The following ZNF710 variants were observed in gnomAD, a reference collection of about 807,000 sequenced individuals.
ZNF710 encodes zinc finger protein 710.
In ZNF710, 13 loss-of-function variants were observed where a neutral mutation model predicts 50.6. The ratio of observed to expected loss-of-function variants is 0.26; its 90% confidence interval spans 0.17 to 0.41. ZNF710 has a LOEUF of 0.41. Ranked by LOEUF, ZNF710 falls within the 10% of genes least tolerant of loss-of-function variation. The pLI, the probability that ZNF710 is intolerant of heterozygous loss-of-function variation, is 1.00. For synonymous variants in ZNF710, 383 were observed against 397.0 expected (o/e 0.96, Z 0.42); for missense variants, 721 against 936.6 (o/e 0.77, Z 3.01).
intron 1 of ZNF710, among the ~76,000 whole-genome samples, chr15:90,022,431 G>A (rs1032477680): frequency 6.6e-6 from 1 of 152,162 alleles, no homozygotes; most frequent in African/African-American, 2.4e-5. Context: ...TGCAAAGGCA[G>A]CAAGGGACAC....
In ZNF710 at chr15:90,034,427, C is replaced by CCT. The variant is rs1555457054; in HGVS notation, c.-28-32682_-28-32681dup. ...CAGCTGTCCTTCCTGTTTCCAAATT[C>CCT]CTGTGTGTGTGTGTGTGTGTGTGTG... On this transcript the variant is annotated intron_variant, in intron 1 of 4. Coordinates refer to ENST00000268154, the MANE Select transcript of ZNF710 (RefSeq NM_198526.4). The surrounding 1 kb of genome is among the most constrained non-coding windows in gnomAD (Gnocchi z 4.0). Among the ~76,000 whole-genome samples the CCT allele has an allele frequency of 3.1e-4, 35 of 113,698 alleles. 2 individuals are homozygous for CCT. In the South Asian group the frequency reaches 8.8e-3, roughly 29 times the overall value. The allele number at this position is 113,698 out of a possible 152,430, so 74.6% of individuals were successfully genotyped here.
intron 1 of ZNF710, among the ~76,000 whole-genome samples, chr15:90,031,032 A>AAAAAAC (rs1390685031): frequency 1.3e-5 from 2 of 150,958 alleles, no homozygotes; most frequent in African/African-American, 2.4e-5. Context: ...AAAAAAGAAA[A>AAAAAAC]AAAAAAAAAT....
intron 1 of ZNF710, among the ~76,000 whole-genome samples, chr15:90,051,623 A>C (rs1899649180): frequency 6.6e-6 from 1 of 152,164 alleles, no homozygotes; most frequent in African/African-American, 2.4e-5. Flanking sequence ...ACAGAGTGAG[A>C]CTTTGTCTCA....
At position 90,020,626 on chromosome 15, in the gene ZNF710, G is replaced by A. The variant is rs144556660; in HGVS notation, c.-29+19012G>A. ...CTCATGTGTGTTGGAAATGAGAGGC[G>A]CAGTTTGGGAGAAGGAGGCTGCATG... On this transcript the variant is annotated intron_variant, in intron 1 of 4. Coordinates refer to ENST00000268154, the MANE Select transcript of ZNF710 (RefSeq NM_198526.4). Among the ~76,000 whole-genome samples the A allele has an allele frequency of 4.8e-3, 725 of 152,350 alleles. 9 individuals are homozygous for A. Among genetic ancestry groups the A allele is most frequent in the African/African-American group, 0.017 (691 of 41,582 alleles).
At chr15:90,076,722 CAG>C (rs931359122) in intron 4 of ZNF710, 1 of 138,710 alleles carries the variant, frequency 7.2e-6, no homozygotes, top group African/African-American at 2.8e-5. Flanking sequence ...GCCTGGGTGA[CAG>C]AGTGAGACTT....
At chr15:90,022,706 A>G (rs1009201661) in intron 1 of ZNF710, among the ~76,000 whole-genome samples, 1 of 152,232 alleles carries the variant, frequency 6.6e-6, no homozygotes, top group South Asian at 2.1e-4. Flanking sequence ...AGAGGAATAC[A>G]TATGGCACTT....
intron 1 of ZNF710, among the ~76,000 whole-genome samples, chr15:90,002,276 C>T (rs1461304502): frequency 6.6e-6 from 1 of 151,444 alleles, no homozygotes; most frequent in Non-Finnish European, 1.5e-5. Context: ...GGGGCGTCCC[C>T]GAGGGCCACT....
At chr15:90,031,672 GT>G (rs934341267) in intron 1 of ZNF710, among the ~76,000 whole-genome samples, 1 of 152,138 alleles carries the variant, frequency 6.6e-6, no homozygotes, top group African/African-American at 2.4e-5. Flanking sequence ...CATCTCTCTT[GT>G]TTTCATGCAG....
intron 1 of ZNF710, among the ~76,000 whole-genome samples, chr15:90,055,787 C>T (rs1205974466): frequency 6.6e-6 from 1 of 152,160 alleles, no homozygotes; most frequent in Non-Finnish European, 1.5e-5. Context: ...GGGGGGTGAC[C>T]CCCATGTTTG....
chr15:90,010,046 G>GT (rs1234009924), intron 1 of ZNF710, among the ~76,000 whole-genome samples: 2 of 152,126 alleles, frequency 1.3e-5, no homozygotes, highest in African/African-American at 2.4e-5. Flanking sequence ...TCTCTCATCT[G>GT]TTTTTTTGTA....
Position 90,034,739 on chromosome 15 carries a change from G to A in ZNF710, c.-28-32371G>A, listed in dbSNP as rs546253973. Among the ~76,000 whole-genome samples the A allele has an allele frequency of 1.2e-4, 19 of 152,306 alleles. No homozygotes were observed. Among genetic ancestry groups the A allele is most frequent in the South Asian group, 2.1e-4 (1 of 4,820 alleles). On this transcript the variant is annotated intron_variant, in intron 1 of 4. Transcript: ENST00000268154. This position sits in a 1 kb window ranked among gnomAD's most constrained non-coding sequence, Gnocchi z 4.0. ...CTTCTGAGCCTTCTTTGTTCTGGCC[G>A]TGGGTGGGGCACCCGGCTCCACCTG... is the stretch of plus-strand genomic sequence containing the variant.
At chr15:90,008,842 A>G (rs1402527062) in intron 1 of ZNF710, among the ~76,000 whole-genome samples, 1 of 152,070 alleles carries the variant, frequency 6.6e-6, no homozygotes, top group Non-Finnish European at 1.5e-5. Flanking sequence ...GATATTAAAT[A>G]CATATGCTCT....
chr15:90,065,626 G>A (rs925557599), intron 1 of ZNF710, among the ~76,000 whole-genome samples: 9 of 152,328 alleles, frequency 5.9e-5, no homozygotes, highest in Middle Eastern at 3.4e-3. Context: ...TGAAAAGACC[G>A]GGCTCCACAG....
intron 1 of ZNF710, among the ~76,000 whole-genome samples, chr15:90,038,346 G>C (rs1899192042): frequency 6.6e-6 from 1 of 152,184 alleles, no homozygotes; most frequent in African/African-American, 2.4e-5. Flanking sequence ...TGACAGAAAA[G>C]TTAAGAACCT....
chr15:89,998,610 C>T (rs572197241), upstream of ZNF710, among the ~76,000 whole-genome samples: 5 of 152,246 alleles, frequency 3.3e-5, no homozygotes, highest in East Asian at 1.9e-4. Context: ...TCCAGGTCAT[C>T]GGGGCACTAC....
At position 90,059,728 on chromosome 15, in the gene ZNF710, G is replaced by C. The variant is rs1899944518; in HGVS notation, c.-28-7382G>C. On this transcript the variant is annotated intron_variant, in intron 1 of 4. Coordinates refer to ENST00000268154, the MANE Select transcript of ZNF710 (RefSeq NM_198526.4). The surrounding 1 kb of genome is among the most constrained non-coding windows in gnomAD (Gnocchi z 4.1). Reference sequence around the variant, plus strand: ...TGTGGCAAGGGGCCCCGAGGCACAGGCCTTCCAGCTCTCGCTTCCTCTTCC... The same window carrying C: ...TGTGGCAAGGGGCCCCGAGGCACAGCCCTTCCAGCTCTCGCTTCCTCTTCC... Among the ~76,000 whole-genome samples, 1 of 152,230 alleles carries C rather than the reference G, an allele frequency of 6.6e-6. No homozygotes were observed.
In ZNF710 at chr15:90,080,124, C is replaced by T. The variant is rs1222244304; in HGVS notation, c.*295C>T. On this transcript the variant is annotated 3_prime_UTR_variant, in exon 5 of 5. Transcript: ENST00000268154. ...CCGTGGGGAGTGGGAGAAGTGGGGC[C>T]ACTGGGGACAGGTCACAAGGGCACC... The T allele has an allele frequency of 3.4e-6, 1 of 296,056 alleles. No homozygotes were observed. The highest frequency in any genetic ancestry group is 6.2e-6 in the Non-Finnish European group (1 of 161,394). 18.3% of individuals were successfully genotyped at this position (296,056 alleles called of 1,614,324 possible).
intron 1 of ZNF710, among the ~76,000 whole-genome samples, chr15:90,011,462 A>G (rs949620013): frequency 2.0e-5 from 3 of 152,180 alleles, no homozygotes; most frequent in Non-Finnish European, 4.4e-5. Context: ...TTTTCAAACA[A>G]TGTAAAGACC....
intron 1 of ZNF710, among the ~76,000 whole-genome samples, chr15:90,038,081 TG>T (rs1225941041): frequency 6.6e-6 from 1 of 152,226 alleles, no homozygotes; most frequent in Non-Finnish European, 1.5e-5. Flanking sequence ...TCGGCTGGGC[TG>T]GGTGGGTCTG....
Sources: allele counts gnomAD v4.1 joint callset (sites outside exome capture counted in the v4.1 genomes callset), GRCh38; gene constraint gnomAD v4.1.1; non-coding constraint Gnocchi (gnomAD v3.1); transcripts MANE v1.5; gene names NCBI Gene and HGNC (gene_info 2026-07-23, HGNC 2026-07-21).